Variants in PRRG1 observed in about 807,000 individuals in gnomAD.
PRRG1 encodes the protein transmembrane gamma-carboxyglutamic acid protein 1.
Under a neutral mutation model 11.8 loss-of-function variants are expected in PRRG1, and 5 were observed. The ratio of observed to expected loss-of-function variants is 0.42; its 90% CI spans 0.22 to 0.89. The LOEUF is 0.89. Among genes scored for constraint, PRRG1 ranks in the 40% least tolerant of loss-of-function variants. The pLI is 0.28. For synonymous variants in PRRG1, 66 were observed against 60.4 expected (o/e 1.09, Z -0.43); for missense variants, 155 against 166.1 (o/e 0.93, Z 0.37).
chrX:37,443,003 C>A (rs1933013100), intron 3 of PRRG1, among the ~76,000 whole-genome samples: 1 of 112,055 alleles, frequency 8.9e-6, no homozygotes, highest in Admixed American at 9.4e-5. Flanking sequence ...TTAAATACCC[C>A]CAACTGTTAA....
rs886353929 is a variant in PRRG1 at position 37,397,520 on chromosome X, A to G, written c.-41-8689A>G. ...TGCTTACTCTTTGAGAATTAGTCTG[A>G]TAGACACTATAAGATATGAACATCA... On this transcript the variant is annotated intron_variant, in intron 1 of 3. Transcript: ENST00000378628. 3.6e-5 allele frequency among the ~76,000 whole-genome samples: 4 copies of G among 112,535 alleles called. No homozygotes were observed. In the Admixed American group the frequency reaches 3.8e-4, roughly 11 times the overall value.
At chrX:37,432,199 T>C (rs1450502269) in intron 3 of PRRG1, among the ~76,000 whole-genome samples, 1 of 110,035 alleles carries the variant, frequency 9.1e-6, no homozygotes, top group African/African-American at 3.3e-5. Context: ...GCCATTCTCC[T>C]GCCTCAGCCT....
chrX:37,352,342 A>C (rs1397193311), intron 1 of PRRG1, among the ~76,000 whole-genome samples: 1 of 111,882 alleles, frequency 8.9e-6, no homozygotes, highest in African/African-American at 3.2e-5. Flanking sequence ...TTTTCATTTC[A>C]CTTTTAAAAA....
chrX:37,434,137 T>C (rs190993129), intron 3 of PRRG1, among the ~76,000 whole-genome samples: 1 of 112,663 alleles, frequency 8.9e-6, no homozygotes, highest in African/African-American at 3.2e-5. Flanking sequence ...AGAATACTTT[T>C]ACTCATACGT....
intron 1 of PRRG1, among the ~76,000 whole-genome samples, chrX:37,382,096 T>C (rs782656396): frequency 8.9e-6 from 1 of 111,787 alleles, no homozygotes; most frequent in African/African-American, 3.2e-5. Context: ...AATGGACTTG[T>C]CTGTTGTGTA....
At chrX:37,416,790 C>A (rs1441424393) in intron 2 of PRRG1, among the ~76,000 whole-genome samples, 2 of 112,358 alleles carry the variant, frequency 1.8e-5, no homozygotes, top group African/African-American at 6.5e-5. Context: ...TCTGCCATTT[C>A]ATGACGAATT....
chrX:37,420,577 A>G (rs1932625062), intron 2 of PRRG1, among the ~76,000 whole-genome samples: 1 of 107,495 alleles, frequency 9.3e-6, no homozygotes, highest in South Asian at 4.2e-4. Context: ...TCATGCCTGT[A>G]ATCCCAGCAC....
chrX:37,358,431 C>T (rs1039189112), intron 1 of PRRG1, among the ~76,000 whole-genome samples: 3 of 111,147 alleles, frequency 2.7e-5, no homozygotes, highest in African/African-American at 9.8e-5. Flanking sequence ...AAGGCCATAT[C>T]TAGATTCATT....
chrX:37,398,098 C>T (rs1443450613), intron 1 of PRRG1, among the ~76,000 whole-genome samples: 5 of 109,892 alleles, frequency 4.5e-5, no homozygotes, highest in African/African-American at 1.7e-4. Context: ...ACTTAAATGT[C>T]CCCGTCTGAC....
At chrX:37,355,684 G>C (rs1310752049) in intron 1 of PRRG1, among the ~76,000 whole-genome samples, 10 of 111,735 alleles carry the variant, frequency 8.9e-5, no homozygotes, top group African/African-American at 3.3e-4. Flanking sequence ...GATGGAAGTG[G>C]GAGAAGCTGA....
intron 1 of PRRG1, among the ~76,000 whole-genome samples, chrX:37,384,892 G>A (rs1296202918): frequency 9.0e-6 from 1 of 111,583 alleles, no homozygotes; most frequent in Non-Finnish European, 1.9e-5. Flanking sequence ...GTAGTAATGA[G>A]TAGAGCTGAA....
chrX:37,371,497 C>T (rs1816561358), intron 1 of PRRG1, among the ~76,000 whole-genome samples: 1 of 112,842 alleles, frequency 8.9e-6, no homozygotes, highest in African/African-American at 3.2e-5. Flanking sequence ...TTGCTCATTA[C>T]GTTGTAGGCA....
At chrX:37,353,973 C>T (rs193280620) in intron 1 of PRRG1, among the ~76,000 whole-genome samples, 1 of 112,514 alleles carries the variant, frequency 8.9e-6, no homozygotes, top group African/African-American at 3.2e-5. Flanking sequence ...TTCTTGTGAG[C>T]TCCCATTATT....
At chrX:37,386,175 C>G (rs1292543525) in intron 1 of PRRG1, among the ~76,000 whole-genome samples, 1 of 112,176 alleles carries the variant, frequency 8.9e-6, no homozygotes, top group Non-Finnish European at 1.9e-5. Flanking sequence ...ATAATATGCT[C>G]TTACATATGT....
rs376252350 is a variant in PRRG1, at chrX:37,407,007, G to A, written c.10+748G>A. Among the ~76,000 whole-genome samples, 7 of 112,224 alleles carry A rather than the reference G, an allele frequency of 6.2e-5. No individual in the cohort carries two copies. The South Asian group carries it at 1.9e-3, about 30-fold the overall frequency. On this transcript the variant is annotated intron_variant, in intron 2 of 3. Coordinates refer to ENST00000378628, the MANE Select transcript of PRRG1 (RefSeq NM_001142395.2). ...AGTTGTAGAAGTTTGGGGATCACTC[G>A]AATAGACAAAGTTTAGGATATTTTA...
At chrX:37,396,848 G>T (rs954926728) in intron 1 of PRRG1, among the ~76,000 whole-genome samples, 2 of 111,123 alleles carry the variant, frequency 1.8e-5, no homozygotes, top group African/African-American at 6.6e-5. Flanking sequence ...CTTTCTTGTA[G>T]GGGGCTGTTC....
At chrX:37,448,813 A>G (rs1372812525) in intron 3 of PRRG1, among the ~76,000 whole-genome samples, 1 of 111,613 alleles carries the variant, frequency 9.0e-6, no homozygotes, top group African/African-American at 3.3e-5. Context: ...ATACTTTTTA[A>G]AGAGCTAGAG....
chrX:37,425,336 C>A (rs1174994077), intron 2 of PRRG1, among the ~76,000 whole-genome samples: 1 of 111,203 alleles, frequency 9.0e-6, no homozygotes, highest in Admixed American at 9.6e-5. Context: ...TGAATCATGG[C>A]CAAATTTAAC....
intron 2 of PRRG1, among the ~76,000 whole-genome samples, chrX:37,419,132 T>C (rs1179134893): frequency 8.9e-6 from 1 of 112,362 alleles, no homozygotes; most frequent in Non-Finnish European, 1.9e-5. Context: ...AAACATTGAA[T>C]AGCCACCCAA....
Sources: allele counts gnomAD v4.1 joint callset (sites outside exome capture counted in the v4.1 genomes callset), GRCh38; gene constraint gnomAD v4.1.1; transcripts MANE v1.5; gene names NCBI Gene and HGNC (gene_info 2026-07-23, HGNC 2026-07-21).